The following CCDC81 variants were observed in gnomAD, a reference collection of about 807,000 sequenced individuals.
CCDC81 encodes coiled-coil domain containing 81.
A neutral mutation model predicts 83.7 loss-of-function variants in CCDC81; 79 were observed. The observed-to-expected ratio is 0.94, with a 90% confidence interval of 0.79 to 1.14. CCDC81 has a LOEUF of 1.14. CCDC81 is among the 50% of genes most tolerant of loss of function. CCDC81 has a pLI of 0.00. For missense variants in CCDC81, 791 were observed against 778.1 expected (o/e 1.02, Z -0.20); for synonymous variants, 252 against 278.1 (o/e 0.91, Z 0.93).
In CCDC81 at chr11:86,386,120, T is replaced by C; in HGVS notation, c.141+8T>C. 1 of 875,448 alleles carries C rather than the reference T, an allele frequency of 1.1e-6. No homozygotes were observed. Among genetic ancestry groups the C allele is most frequent in the South Asian group, 3.3e-5 (1 of 29,994 alleles). 54.2% of individuals were successfully genotyped at this position (875,448 alleles called of 1,614,324 possible). On this transcript the variant is annotated splice_region_variant and intron_variant, in intron 2 of 14. Coordinates refer to ENST00000445632, the MANE Select transcript of CCDC81 (RefSeq NM_001156474.2). ...CAGTTAACCCTGCACAAGGTAAGAT[T>C]TATTAATTTATTAATTTATTAATAA...
In CCDC81 at chr11:86,415,328, G is replaced by C; in HGVS notation, c.1691+15G>C. ...ACACAAAGAGAGTAAGGAGACCCCT[G>C]ATCTTTCTCCCTCCACTTCTCCTCA... On this transcript the variant is annotated intron_variant, in intron 13 of 14. Transcript: ENST00000445632. The C allele has an allele frequency of 6.3e-7, 1 of 1,598,320 alleles. No individual in the cohort carries two copies. The highest frequency in any genetic ancestry group is 1.1e-5 in the South Asian group (1 of 90,426).
chr11:86,384,907 A>C (rs184086979), intron 1 of CCDC81, among the ~76,000 whole-genome samples: 11 of 152,342 alleles, frequency 7.2e-5, no homozygotes, highest in African/African-American at 2.6e-4. Context: ...ATAGGTTCAT[A>C]TCATACATTA....
intron 7 of CCDC81, among the ~76,000 whole-genome samples, chr11:86,404,976 A>G (rs1013500345): frequency 9.2e-5 from 14 of 152,180 alleles, no homozygotes; most frequent in Non-Finnish European, 5.9e-5. Flanking sequence ...GTACTTTTAC[A>G]GTAATTGTTT....
intron 6 of CCDC81, among the ~76,000 whole-genome samples, chr11:86,398,795 A>G (rs548025359): frequency 6.6e-6 from 1 of 151,818 alleles, no homozygotes; most frequent in Non-Finnish European, 1.5e-5. Context: ...CTGGTCTCAA[A>G]CTCCTGACTT....
Position 86,412,453 on chromosome 11 carries a change from T to A in CCDC81, c.1285T>A (p.Ser429Thr). The A allele has an allele frequency of 1.2e-6, 2 of 1,613,932 alleles. No homozygotes were observed. Among genetic ancestry groups the A allele is most frequent in the Non-Finnish European group, 1.7e-6 (2 of 1,179,846 alleles). ...ALNALKQEEYSRSLLKQMDNR... is the reference protein window; with the variant it reads ...ALNALKQEEYTRSLLKQMDNR... ...TAATGCTCTTAAGCAAGAGGAATAT[T>A]CCCGGAGTCTCCTGAAACAAATGGA... Residue 429 changes from serine to threonine, a missense_variant, in exon 11 of 15, where the codon TCC becomes ACC. Coordinates refer to ENST00000445632, the MANE Select transcript of CCDC81 (RefSeq NM_001156474.2).
intron 10 of CCDC81, among the ~76,000 whole-genome samples, chr11:86,409,938 G>C (rs1173760865): frequency 6.6e-6 from 1 of 152,110 alleles, no homozygotes; most frequent in Non-Finnish European, 1.5e-5. Flanking sequence ...GTGGAGAGGA[G>C]GGAGCAGTAT....
Position 86,387,614 on chromosome 11 carries a change from C to T in CCDC81, c.240C>T (p.Ile80=). The change falls in exon 3 of 15, where the codon ATC becomes ATT. Residue 80 remains isoleucine, a synonymous_variant. Coordinates refer to ENST00000445632, the MANE Select transcript of CCDC81 (RefSeq NM_001156474.2). ...TCTTAATCCAGAGGCCTGTGTTTAT[C>T]ATGGTGGAGAAGCTAGTGCAGATTC... ...KFILIQRPVF[I]MVEKLVQIHG... is the part of the protein sequence containing the mutation. 6.2e-7 allele frequency: 1 copy of T among 1,611,626 alleles called. No individual in the cohort carries two copies. Among genetic ancestry groups the T allele is most frequent in the South Asian group, 1.1e-5 (1 of 91,002 alleles).
At chr11:86,395,137 GCAGCTACC>G in intron 4 of CCDC81, 189 bp from the exon 5 acceptor site, 1 of 433,584 alleles carries the variant, frequency 2.3e-6, no homozygotes, top group Non-Finnish European at 4.1e-6. Context: ...GAATTGCTGT[GCAGCTACC>G]CAGGGTGATT....
chr11:86,415,830 C>T (rs941949335), intron 13 of CCDC81, among the ~76,000 whole-genome samples: 20 of 152,218 alleles, frequency 1.3e-4, no homozygotes, highest in East Asian at 1.9e-4. Context: ...AGTGCCAGCA[C>T]GCCCAGCTAA....
intron 4 of CCDC81, among the ~76,000 whole-genome samples, chr11:86,394,214 G>A (rs566061407): frequency 2.6e-5 from 4 of 152,298 alleles, no homozygotes; most frequent in South Asian, 2.1e-4. Context: ...GCTTCAATAC[G>A]TGTTTAAAAG....
At chr11:86,397,888 T>G in intron 6 of CCDC81, 146 bp downstream of exon 6, 1 of 910,068 alleles carries the variant, frequency 1.1e-6, no homozygotes, top group Non-Finnish European at 1.5e-6. Context: ...GTCTCGCTGT[T>G]GCCCAGGCTG....
In CCDC81 at chr11:86,414,874, G is replaced by A. The variant is rs181706390; in HGVS notation, c.1470+7G>A. ...GAGAGCTTTGGATGCACAGGTAAGGGGACAGACAAATATTATTTTTAAAAT... is the reference window on the plus strand; with the variant it reads ...GAGAGCTTTGGATGCACAGGTAAGGAGACAGACAAATATTATTTTTAAAAT... On this transcript the variant is annotated splice_region_variant and intron_variant, in intron 12 of 14. Coordinates refer to ENST00000445632, the MANE Select transcript of CCDC81 (RefSeq NM_001156474.2). 2 of 1,588,952 alleles carry A rather than the reference G, an allele frequency of 1.3e-6. No individual in the cohort carries two copies. The highest frequency in any genetic ancestry group is 8.5e-7 in the Non-Finnish European group (1 of 1,170,516).
intron 14 of CCDC81, among the ~76,000 whole-genome samples, chr11:86,420,842 G>C (rs572534679): frequency 1.3e-5 from 2 of 152,320 alleles, no homozygotes; most frequent in South Asian, 2.1e-4. Flanking sequence ...TGATGACGTG[G>C]AAAATAGGTT....
intron 10 of CCDC81, among the ~76,000 whole-genome samples, chr11:86,409,660 A>G (rs896995535): frequency 6.6e-6 from 1 of 152,188 alleles, no homozygotes; most frequent in Non-Finnish European, 1.5e-5. Context: ...CATGTTGGCC[A>G]GGCTGGTCTT....
At chr11:86,401,601 A>C (rs181598912) in intron 7 of CCDC81, among the ~76,000 whole-genome samples, 1 of 152,348 alleles carries the variant, frequency 6.6e-6, no homozygotes, top group East Asian at 1.9e-4. Flanking sequence ...CAATACAACA[A>C]ATATTGAGCA....
intron 3 of CCDC81, among the ~76,000 whole-genome samples, chr11:86,388,605 A>G (rs1948281045): frequency 1.3e-5 from 2 of 152,236 alleles, no homozygotes; most frequent in African/African-American, 4.8e-5. Context: ...AGAATGATAT[A>G]TTAGAAAAAC....
chr11:86,395,301 T>G (rs1271082415), intron 4 of CCDC81, 33 bp from the exon 5 acceptor site: 3 of 1,585,586 alleles, frequency 1.9e-6, no homozygotes, highest in Non-Finnish European at 2.6e-6. Flanking sequence ...GACCTCAGCC[T>G]AGATGTAACC....
At chr11:86,391,843 G>A (rs1211573290) in intron 3 of CCDC81, among the ~76,000 whole-genome samples, 1 of 152,198 alleles carries the variant, frequency 6.6e-6, no homozygotes, top group Non-Finnish European at 1.5e-5. Flanking sequence ...CGTTTCCACA[G>A]GCTGTACAGA....
At chr11:86,420,676 T>C (rs1406937176) in intron 14 of CCDC81, among the ~76,000 whole-genome samples, 1 of 152,220 alleles carries the variant, frequency 6.6e-6, no homozygotes, top group African/African-American at 2.4e-5. Context: ...AAATAATAGT[T>C]TAAATTGCCA....
Sources: allele counts gnomAD v4.1 joint callset (sites outside exome capture counted in the v4.1 genomes callset), GRCh38; gene constraint gnomAD v4.1.1; transcripts MANE v1.5; gene names NCBI Gene and HGNC (gene_info 2026-07-23, HGNC 2026-07-21).